Variants in NPFFR2 observed in about 807,000 individuals in gnomAD.
NPFFR2 encodes neuropeptide FF receptor 2.
In NPFFR2, 15 loss-of-function variants were observed where a neutral mutation model predicts 13.1. The ratio of observed to expected loss-of-function variants is 1.15; its 90% CI spans 0.77 to 1.76. The LOEUF (loss-of-function observed/expected upper bound fraction) is 1.76, where lower values mean the gene tolerates loss of function less well. Ranked by LOEUF, NPFFR2 falls within the 40% of genes most tolerant of loss-of-function variation. The pLI is 0.00. For missense variants in NPFFR2, 572 were observed against 503.5 expected (o/e 1.14, Z -1.30); for synonymous variants, 190 against 175.7 (o/e 1.08, Z -0.65).
chr4:72,147,618 G>C lies in NPFFR2; in HGVS notation c.1069G>C (p.Ala357Pro). Residue 357 changes from alanine to proline, a missense_variant, in exon 4 of 4, where the codon GCA becomes CCA. Ala to Pro is a conservative substitution (Grantham distance 27, BLOSUM62 -1). Coordinates refer to ENST00000308744, the MANE Select transcript of NPFFR2 (RefSeq NM_004885.3). ...AFQLQLCQKR[A>P]KPMEAYALKA... ...CCAGCTCCAGCTCTGCCAAAAAAGA[G>C]CAAAGCCTATGGAAGCTTATGCCCT... 1 of 1,614,140 alleles carries C rather than the reference G, an allele frequency of 6.2e-7. No homozygotes were observed.
intron 1 of NPFFR2, among the ~76,000 whole-genome samples, chr4:72,106,359 G>A (rs1721419061): frequency 6.6e-6 from 1 of 151,972 alleles, no homozygotes; most frequent in Admixed American, 6.6e-5. Context: ...CTAGGGATGA[G>A]CGACACATGT....
intron 1 of NPFFR2, among the ~76,000 whole-genome samples, chr4:72,037,205 A>G (rs1251722859): frequency 6.6e-6 from 1 of 151,648 alleles, no homozygotes. Context: ...CCTAGGCAAC[A>G]TAGTGAGATC....
chr4:72,111,872 G>A (rs145689701), intron 1 of NPFFR2, among the ~76,000 whole-genome samples: 24 of 152,074 alleles, frequency 1.6e-4, no homozygotes, highest in Admixed American at 5.9e-4. Context: ...CCCCAACATG[G>A]CATCTCCAAA....
At chr4:72,125,295 G>A (rs973607684) in intron 1 of NPFFR2, among the ~76,000 whole-genome samples, 4 of 152,208 alleles carry the variant, frequency 2.6e-5, no homozygotes, top group African/African-American at 9.7e-5. Context: ...TGGAGAACAT[G>A]TGGAGAAAAG....
At chr4:72,068,842 T>G (rs1349687187) in intron 1 of NPFFR2, 5 of 314,642 alleles carry the variant, frequency 1.6e-5, no homozygotes, top group African/African-American at 9.8e-5. Flanking sequence ...TTCTTAGTTT[T>G]TTTTTTTTTT....
chr4:72,054,797 A>G (rs1719694384), intron 1 of NPFFR2, among the ~76,000 whole-genome samples: 1 of 151,902 alleles, frequency 6.6e-6, no homozygotes, highest in Non-Finnish European at 1.5e-5. Context: ...GAGAATACAA[A>G]GAACCTTCAC....
At chr4:72,039,371 A>G in intron 1 of NPFFR2, 1 of 984,722 alleles carries the variant, frequency 1.0e-6, no homozygotes, top group Non-Finnish European at 1.2e-6. Flanking sequence ...TTCCTTTCTT[A>G]GTTGCCTCTG....
At chr4:72,141,368 ATCTT>A (rs1722618013) in intron 3 of NPFFR2, among the ~76,000 whole-genome samples, 1 of 152,056 alleles carries the variant, frequency 6.6e-6, no homozygotes, top group Non-Finnish European at 1.5e-5. Flanking sequence ...TGGATTTTAG[ATCTT>A]TCCTGCTTTC....
chr4:72,091,467 T>G (rs980442149), intron 1 of NPFFR2, among the ~76,000 whole-genome samples: 1 of 152,114 alleles, frequency 6.6e-6, no homozygotes, highest in East Asian at 1.9e-4. Flanking sequence ...CCTGCACTTT[T>G]TATTTGTTGG....
chr4:72,075,056 T>A (rs1216213969), intron 1 of NPFFR2, among the ~76,000 whole-genome samples: 1 of 152,154 alleles, frequency 6.6e-6, no homozygotes, highest in Admixed American at 6.6e-5. Flanking sequence ...CCTGGGTGTG[T>A]CTGTGAGGGT....
intron 2 of NPFFR2, among the ~76,000 whole-genome samples, chr4:72,134,924 T>A (rs1376268560): frequency 2.6e-5 from 4 of 152,096 alleles, no homozygotes; most frequent in African/African-American, 9.7e-5. Flanking sequence ...TCCCCTTCTT[T>A]TTTTGGTTTA....
chr4:72,036,474 T>C (rs1719039603), intron 1 of NPFFR2, among the ~76,000 whole-genome samples: 1 of 151,188 alleles, frequency 6.6e-6, no homozygotes, highest in Non-Finnish European at 1.5e-5. Context: ...CACAGATTAG[T>C]GGGCTGGAGT....
At chr4:72,121,775 C>T (rs1023689162) in intron 1 of NPFFR2, among the ~76,000 whole-genome samples, 1 of 152,140 alleles carries the variant, frequency 6.6e-6, no homozygotes, top group African/African-American at 2.4e-5. Flanking sequence ...AAGGAAAAAC[C>T]GGTACCAGCC....
chr4:72,038,223 C>T (rs866132729), intron 1 of NPFFR2, among the ~76,000 whole-genome samples: 1 of 152,330 alleles, frequency 6.6e-6, no homozygotes, highest in Middle Eastern at 3.4e-3. Flanking sequence ...CTCCACACTA[C>T]TAGTCCTCAC....
intron 1 of NPFFR2, among the ~76,000 whole-genome samples, chr4:72,047,457 C>A (rs1719411577): frequency 6.6e-6 from 1 of 152,110 alleles, no homozygotes; most frequent in South Asian, 2.1e-4. Context: ...TAGCAATGTG[C>A]CCCTAGTCTG....
intron 1 of NPFFR2, among the ~76,000 whole-genome samples, chr4:72,111,639 A>G (rs1721570327): frequency 6.6e-6 from 1 of 152,034 alleles, no homozygotes; most frequent in African/African-American, 2.4e-5. Flanking sequence ...AATTTATTCT[A>G]GGACAACATA....
intron 1 of NPFFR2, among the ~76,000 whole-genome samples, chr4:72,096,945 T>C (rs1405191110): frequency 1.3e-5 from 2 of 151,978 alleles, no homozygotes; most frequent in African/African-American, 4.8e-5. Flanking sequence ...AAATAAAATA[T>C]TGTTAAAAGT....
chr4:72,098,777 T>C (rs1721142670), intron 1 of NPFFR2, among the ~76,000 whole-genome samples: 1 of 152,078 alleles, frequency 6.6e-6, no homozygotes, highest in Non-Finnish European at 1.5e-5. Context: ...CTCCAAGAAA[T>C]GGATGGGAGA....
intron 1 of NPFFR2, among the ~76,000 whole-genome samples, chr4:72,037,093 T>G (rs2109751746): frequency 6.6e-6 from 1 of 152,152 alleles, no homozygotes; most frequent in South Asian, 2.1e-4. Context: ...TTTAAAATCT[T>G]TAAAGTACCT....
Sources: allele counts gnomAD v4.1 joint callset (sites outside exome capture counted in the v4.1 genomes callset), GRCh38; gene constraint gnomAD v4.1.1; transcripts MANE v1.5; gene names NCBI Gene and HGNC (gene_info 2026-07-23, HGNC 2026-07-21).